The following ZNF568 variants were observed in gnomAD, a reference collection of about 807,000 sequenced individuals.
The protein encoded by ZNF568 is p53 inhibitor of SCO2 activation.
In ZNF568, 11 loss-of-function variants were observed where a neutral mutation model predicts 18.1. That is an observed-to-expected ratio of 0.61 (90% CI 0.38 to 1.00). The LOEUF (loss-of-function observed/expected upper bound fraction) is 1.00, where lower values mean the gene tolerates loss of function less well. Among genes scored for constraint, ZNF568 ranks in the 50% least tolerant of loss-of-function variants. The probability of loss-of-function intolerance (pLI) is 0.01; values close to 1 mark genes in which losing one functional copy is unlikely to be tolerated. For synonymous variants in ZNF568, 213 were observed against 246.6 expected (o/e 0.86, Z 1.28); for missense variants, 639 against 768.2 (o/e 0.83, Z 1.99).
chr19:36,975,674 G>A (rs998124231), intron 7 of ZNF568, among the ~76,000 whole-genome samples: 6 of 99,170 alleles, frequency 6.1e-5, no homozygotes, highest in Admixed American at 1.1e-4. Flanking sequence ...GAGCCACCGC[G>A]CCAAGACTTT....
At chr19:36,943,537 A>G in intron 6 of ZNF568, among the ~76,000 whole-genome samples, 1 of 152,220 alleles carries the variant, frequency 6.6e-6, no homozygotes, top group South Asian at 2.1e-4. Context: ...TTTGAGCATC[A>G]GAATATATTA....
intron 4 of ZNF568, among the ~76,000 whole-genome samples, chr19:36,995,075 T>C (rs1006170912): frequency 6.6e-6 from 1 of 152,206 alleles, no homozygotes; most frequent in Admixed American, 6.5e-5. Flanking sequence ...CATTCTTTCA[T>C]TTCAACTATT....
At chr19:36,923,421 C>G (rs1181177994) in intron 3 of ZNF568, among the ~76,000 whole-genome samples, 1 of 151,966 alleles carries the variant, frequency 6.6e-6, no homozygotes, top group Non-Finnish European at 1.5e-5. Flanking sequence ...TTCTTTTGGG[C>G]TAGTCAGTTT....
chr19:36,988,335 T>TTTTTATAAAGTCTTTTATAAAAAAAA (rs2074394197), intron 2 of ZNF568, among the ~76,000 whole-genome samples: 1 of 152,100 alleles, frequency 6.6e-6, no homozygotes, highest in Non-Finnish European at 1.5e-5. Context: ...TACCTGAGAC[T>TTTTTATAAAGTCTTTTATAAAAAAAA]GGGGATTTTA....
In ZNF568 at chr19:36,922,715, CCCTGG is replaced by C. The variant is rs1166611848; in HGVS notation, c.-55_-51del. 41 of 1,519,208 alleles carry C rather than the reference CCCTGG, an allele frequency of 2.7e-5. 1 individual carries two copies. In the South Asian group the frequency reaches 4.2e-4, roughly 16 times the overall value. The allele number at this position is 1,519,208 out of a possible 1,614,324, so 94.1% of individuals were successfully genotyped here. Reference sequence around the variant, plus strand: ...CTGGAGAGTCCTGAAAGAGAGTGGACCCTGGAGTTGCTGGAGCTTGTCTTGACCCT... The same window carrying C: ...CTGGAGAGTCCTGAAAGAGAGTGGACAGTTGCTGGAGCTTGTCTTGACCCT... On this transcript the variant is annotated 5_prime_UTR_variant, in exon 3 of 7. Coordinates refer to ENST00000333987, the MANE Select transcript of ZNF568 (RefSeq NM_198539.4).
intron 4 of ZNF568, among the ~76,000 whole-genome samples, chr19:36,931,351 A>C (rs1055122733): frequency 6.6e-6 from 1 of 152,118 alleles, no homozygotes; most frequent in African/African-American, 2.4e-5. Context: ...CTGAATAATC[A>C]ATTTATCACA....
intron 4 of ZNF568, chr19:36,991,900 A>C (rs1234739563): frequency 4.1e-4 from 587 of 1,421,620 alleles, no homozygotes; most frequent in Non-Finnish European, 5.1e-4. Flanking sequence ...CACTTAGCTC[A>C]TCTGTGAGAA....
At chr19:36,997,235 C>G (rs200694118) in exon 5 of ZNF568, 240 of 1,608,602 alleles carry the variant, frequency 1.5e-4, no homozygotes, top group Non-Finnish European at 1.9e-4. Context: ...TGTGGGAAAG[C>G]CTTTATCTCT....
chr19:36,997,483 A>G, downstream of ZNF568: 1 of 1,588,426 alleles, frequency 6.3e-7, no homozygotes, highest in South Asian at 1.1e-5. Flanking sequence ...GGAATGTGGG[A>G]AGGCTTTCAT....
intron 2 of ZNF568, among the ~76,000 whole-genome samples, chr19:36,989,043 C>T (rs1175016253): frequency 6.6e-6 from 1 of 152,212 alleles, no homozygotes; most frequent in Non-Finnish European, 1.5e-5. Flanking sequence ...CTCTCTGCTT[C>T]TGAACGCCTT....
chr19:36,949,064 T>G (rs1340360688), intron 6 of ZNF568, among the ~76,000 whole-genome samples: 1 of 152,216 alleles, frequency 6.6e-6, no homozygotes, highest in African/African-American at 2.4e-5. Flanking sequence ...CTCCTTTTTC[T>G]TATGGATTTA....
chr19:36,996,932 A>T, exon 5 of ZNF568: 1 of 1,537,130 alleles, frequency 6.5e-7, no homozygotes, highest in Non-Finnish European at 8.7e-7. Flanking sequence ...AATCTACATC[A>T]GAGGATCCAT....
chr19:36,925,014 A>G (rs2073528535), intron 3 of ZNF568, among the ~76,000 whole-genome samples, 186 bp from the exon 4 acceptor site: 1 of 151,914 alleles, frequency 6.6e-6, no homozygotes, highest in Non-Finnish European at 1.5e-5. Context: ...TCCCCATCAG[A>G]CCCCATATGA....
At chr19:36,957,546 C>T (rs1461347693), downstream of ZNF568, among the ~76,000 whole-genome samples, 3 of 152,280 alleles carry the variant, frequency 2.0e-5, no homozygotes, top group South Asian at 4.1e-4. Context: ...TCTTTAACTG[C>T]TGTTGTGACA....
At position 36,996,781 on chromosome 19, in the gene ZNF568, G is replaced by A; in HGVS notation, c.694G>A (p.Glu232Lys). The change falls in exon 5 of 5, where the codon GAG becomes AAG. Residue 232 changes from glutamate to lysine, a missense_variant. Physicochemically the swap from Glu to Lys is moderately conservative, Grantham distance 56 (BLOSUM62 1). Transcript: ENST00000433993. ...TCAACCTCAGAGCATTAATACTGGA[G>A]AGAAACCTCATAAATGTAAGGAATG... 1.9e-6 allele frequency: 3 copies of A among 1,552,012 alleles called. No individual in the cohort carries two copies. In the South Asian group the frequency reaches 3.5e-5, roughly 18 times the overall value.
At chr19:36,985,139 A>G (rs1568407548) in intron 2 of ZNF568, among the ~76,000 whole-genome samples, 10 of 152,146 alleles carry the variant, frequency 6.6e-5, no homozygotes. Context: ...TGCATTCTGC[A>G]TAATCTCTTT....
Position 36,936,782 on chromosome 19 carries a change from A to G in ZNF568, c.172A>G (p.Thr58Ala). The stretch of plus-strand genomic sequence containing the variant: ...ATTTAAGGATGTGGCTGTTGACCTT[A>G]CCCAGGAGGAGTGGGAGCAAATGAA... ...VTFKDVAVDL[T>A]QEEWEQMKPA... The change falls in exon 5 of 7, where the codon ACC becomes GCC. Residue 58 changes from threonine (T) to alanine (A), a missense_variant. By Grantham distance (58) the Thr-to-Ala change is moderately conservative (BLOSUM62 0). Coordinates refer to ENST00000333987, the MANE Select transcript of ZNF568 (RefSeq NM_198539.4). 2 of 1,613,928 alleles carry G rather than the reference A, an allele frequency of 1.2e-6. No homozygotes were observed. Among genetic ancestry groups the G allele is most frequent in the South Asian group, 2.2e-5 (2 of 91,060 alleles).
chr19:36,986,902 A>G (rs2074381167), intron 2 of ZNF568, among the ~76,000 whole-genome samples: 1 of 152,170 alleles, frequency 6.6e-6, no homozygotes, highest in Admixed American at 6.5e-5. Context: ...TCAAAGGATC[A>G]GGAAATTCCC....
intron 5 of ZNF568, 116 bp from the exon 6 acceptor site, chr19:36,937,031 T>C: frequency 7.4e-7 from 1 of 1,348,910 alleles, no homozygotes; most frequent in Non-Finnish European, 1.0e-6. Context: ...CTTTGTGTCA[T>C]TGTGTAAGTT....
Sources: gnomAD v4.1 joint callset for allele counts (sites outside exome capture counted in the v4.1 genomes callset) on GRCh38, gnomAD v4.1.1 for gene constraint, MANE v1.5 for transcripts, NCBI Gene and HGNC (gene_info 2026-07-23, HGNC 2026-07-21) for gene names.